The following TBC1D10A variants were observed in gnomAD, a reference collection of about 807,000 sequenced individuals.
TBC1D10A encodes EBP50-PDX interactor of 64 kDa.
Under a neutral mutation model 52.9 loss-of-function variants are expected in TBC1D10A, and 24 were observed. The ratio of observed to expected loss-of-function variants is 0.45; its 90% confidence interval spans 0.33 to 0.64. The LOEUF is 0.64. Ranked by LOEUF, TBC1D10A falls within the 30% of genes least tolerant of loss-of-function variation. The pLI, the probability that TBC1D10A is intolerant of heterozygous loss-of-function variation, is 0.02. For missense variants in TBC1D10A, 602 were observed against 687.9 expected (o/e 0.88, Z 1.40); for synonymous variants, 278 against 282.9 (o/e 0.98, Z 0.17).
At chr22:30,325,326 G>A (rs538801632) in intron 1 of TBC1D10A, among the ~76,000 whole-genome samples, 1 of 152,364 alleles carries the variant, frequency 6.6e-6, no homozygotes, top group South Asian at 2.1e-4. Context: ...CTTTAGGGCT[G>A]GGGAAAATCC....
intron 1 of TBC1D10A, among the ~76,000 whole-genome samples, chr22:30,314,789 T>G (rs1601678687): frequency 7.0e-6 from 1 of 142,040 alleles, no homozygotes; most frequent in Admixed American, 7.3e-5. Context: ...CCAGCCTGGG[T>G]GAGAGAGGGA....
At chr22:30,309,518 C>G (rs2145776244) in intron 1 of TBC1D10A, among the ~76,000 whole-genome samples, 1 of 152,336 alleles carries the variant, frequency 6.6e-6, no homozygotes, top group African/African-American at 2.4e-5. Context: ...GCCACCGCAC[C>G]CGGCCAGGGC....
At chr22:30,322,593 CTTTTTTTTT>C (rs34874729) in intron 1 of TBC1D10A, among the ~76,000 whole-genome samples, 3 of 24,874 alleles carry the variant, frequency 1.2e-4, no homozygotes, top group Admixed American at 1.2e-3. Flanking sequence ...TCACTTTCAG[CTTTTTTTTT>C]TTTTTTTTTT....
Position 30,309,079 on chromosome 22 carries a change from C to A in TBC1D10A, c.210-4449G>T, listed in dbSNP as rs182970103. ...TGCTTCTGTGTGGCTCCATCTCTGG[C>A]GCCCAAGCCACTGGAGACAGTCTAA... On this transcript the variant is annotated intron_variant, in intron 1 of 8. Transcript: ENST00000215790. 2.3e-4 allele frequency among the ~76,000 whole-genome samples: 35 copies of A among 152,260 alleles called. No homozygotes were observed. In the South Asian group the frequency reaches 7.0e-3, roughly 31 times the overall value.
chr22:30,321,939 T>A (rs1930660895), intron 1 of TBC1D10A, among the ~76,000 whole-genome samples: 1 of 151,872 alleles, frequency 6.6e-6, no homozygotes, highest in African/African-American at 2.4e-5. Flanking sequence ...CCTCCCACCC[T>A]TCCCTGCTGA....
intron 1 of TBC1D10A, 113 bp from the exon 2 acceptor site, chr22:30,304,743 C>G (rs1930276794): frequency 6.7e-7 from 1 of 1,490,232 alleles, no homozygotes; most frequent in East Asian, 2.5e-5. Context: ...ACCATCCCTG[C>G]TGTTCCCTTC....
At chr22:30,306,123 C>T (rs1249090336) in intron 1 of TBC1D10A, among the ~76,000 whole-genome samples, 1 of 152,218 alleles carries the variant, frequency 6.6e-6, no homozygotes, top group Non-Finnish European at 1.5e-5. Flanking sequence ...ACCTATAATG[C>T]ACTGCTTATG....
chr22:30,311,438 C>A (rs994237215), intron 1 of TBC1D10A, among the ~76,000 whole-genome samples: 2 of 152,204 alleles, frequency 1.3e-5, no homozygotes, highest in African/African-American at 4.8e-5. Context: ...AGTGTCCAGG[C>A]TCCCTGTCTG....
chr22:30,318,781 C>A, intron 1 of TBC1D10A: 1 of 459,720 alleles, frequency 2.2e-6, no homozygotes, highest in South Asian at 1.6e-5. Context: ...CCTTGATTCT[C>A]CCAACAGGTC....
intron 1 of TBC1D10A, among the ~76,000 whole-genome samples, chr22:30,322,592 GCT>G (rs1930678448): frequency 4.7e-5 from 5 of 106,744 alleles, no homozygotes; most frequent in East Asian, 6.4e-4. Flanking sequence ...GTCACTTTCA[GCT>G]TTTTTTTTTT....
rs1930272444 is a variant in TBC1D10A, at chr22:30,304,581, G to C, written c.259C>G (p.Leu87Val). 1.9e-6 allele frequency: 3 copies of C among 1,614,060 alleles called. No individual in the cohort carries two copies. Among genetic ancestry groups the C allele is most frequent in the Non-Finnish European group, 2.5e-6 (3 of 1,179,966 alleles). Residue 87 changes from leucine (L) to valine (V), a missense_variant, in exon 2 of 9, where the codon CTG (leucine) becomes GTG (valine). By Grantham distance (32) the Leu-to-Val change is conservative. Coordinates refer to ENST00000215790, the MANE Select transcript of TBC1D10A (RefSeq NM_031937.3). ...TTGTCCCAGTTGTTGAGCATGTCCA[G>C]CCACTTGGACTCCCTCTGCCTCAGC... ...EVLRQRESKW[L>V]DMLNNWDKWM...
Position 30,294,865 on chromosome 22 carries a change from T to C in TBC1D10A, c.640-4A>G, listed in dbSNP as rs754265031. 6 of 1,614,126 alleles carry C rather than the reference T, an allele frequency of 3.7e-6. No homozygotes were observed. The highest frequency in any genetic ancestry group is 5.1e-6 in the Non-Finnish European group (6 of 1,180,024). On this transcript the variant is annotated splice_region_variant and splice_polypyrimidine_tract_variant and intron_variant, in intron 5 of 8. Transcript: ENST00000215790. ...GTACCAGGCACCAGAAGGCTTGCTG[T>C]GGGCAAGAGAGATGTGAGGCCTTGC...
At chr22:30,307,652 C>CA (rs1446373738) in intron 1 of TBC1D10A, 8 of 152,220 alleles carry the variant, frequency 5.3e-5, no homozygotes, top group Non-Finnish European at 1.0e-4. Context: ...ACATTAAAAA[C>CA]CATCACTACA....
chr22:30,320,750 A>C (rs749875729), intron 1 of TBC1D10A, among the ~76,000 whole-genome samples: 1 of 152,216 alleles, frequency 6.6e-6, no homozygotes, highest in Non-Finnish European at 1.5e-5. Flanking sequence ...TAAGAGGGAG[A>C]AGAACATTCA....
chr22:30,311,230 G>C (rs1351846495), intron 1 of TBC1D10A, among the ~76,000 whole-genome samples: 5 of 152,224 alleles, frequency 3.3e-5, no homozygotes, highest in Admixed American at 1.3e-4. Context: ...GCAGGAGAGG[G>C]TAGGCTGGTG....
intron 2 of TBC1D10A, among the ~76,000 whole-genome samples, chr22:30,303,294 T>TAGAC (rs2145770717): frequency 6.9e-6 from 1 of 143,968 alleles, no homozygotes; most frequent in Admixed American, 6.8e-5. Context: ...AATAGTTAGA[T>TAGAC]AGATAGATAG....
chr22:30,295,157 CCCT>C, intron 4 of TBC1D10A, 102 bp from the exon 5 acceptor site: 1 of 1,139,424 alleles, frequency 8.8e-7, no homozygotes, highest in Non-Finnish European at 1.3e-6. Context: ...ATCTGCCCCT[CCCT>C]TGAGAGGGAA....
intron 4 of TBC1D10A, among the ~76,000 whole-genome samples, chr22:30,295,377 C>T (rs530097944): frequency 5.0e-4 from 76 of 152,270 alleles, no homozygotes; most frequent in African/African-American, 1.7e-3. Context: ...GCTATGGCCC[C>T]TTGGCCGGGC....
chr22:30,318,311 G>T (rs1416394641), intron 1 of TBC1D10A, among the ~76,000 whole-genome samples: 1 of 152,030 alleles, frequency 6.6e-6, no homozygotes, highest in Non-Finnish European at 1.5e-5. Context: ...ATGTCCTCAG[G>T]CCCCAGTCCT....
Sources: allele counts gnomAD v4.1 joint callset (sites outside exome capture counted in the v4.1 genomes callset), GRCh38; gene constraint gnomAD v4.1.1; transcripts MANE v1.5; gene names NCBI Gene and HGNC (gene_info 2026-07-23, HGNC 2026-07-21).